Variants in MINK1 observed in about 807,000 individuals in gnomAD.
The protein encoded by MINK1 is misshapen like kinase 1.
A neutral mutation model predicts 178.4 loss-of-function variants in MINK1; 46 were observed. The ratio of observed to expected loss-of-function variants is 0.26; its 90% CI spans 0.20 to 0.33. The LOEUF is 0.33. Among genes scored for constraint, MINK1 ranks in the 10% least tolerant of loss-of-function variants. The probability of loss-of-function intolerance (pLI) is 1.00; values close to 1 mark genes in which losing one functional copy is unlikely to be tolerated. For synonymous variants in MINK1, 797 were observed against 709.7 expected, an observed-to-expected ratio of 1.12 and a Z score of -1.96; for missense variants, 1,366 against 1,814.9, an observed-to-expected ratio of 0.75 and a Z score of 4.49.
chr17:4,844,682 G>A (rs1328461192), intron 1 of MINK1: 8 of 394,834 alleles, frequency 2.0e-5, no homozygotes, highest in South Asian at 5.5e-5. Flanking sequence ...ATGTAGGGCC[G>A]CTGGGTAGAT....
At chr17:4,877,811 T>TC (rs1382619436) in intron 1 of MINK1, among the ~76,000 whole-genome samples, 21 of 136,958 alleles carry the variant, frequency 1.5e-4, no homozygotes, top group African/African-American at 5.0e-4. Context: ...TCTCACTTCT[T>TC]TTTTTTTTTT....
Position 4,886,973 on chromosome 17 carries a change from C to T in MINK1, c.950-137C>T. 1.2e-6 allele frequency: 1 copy of T among 800,670 alleles called. No individual in the cohort carries two copies. Among genetic ancestry groups the T allele is most frequent in the Non-Finnish European group, 2.0e-6 (1 of 495,836 alleles). The allele number at this position is 800,670 out of a possible 1,614,324, so 49.6% of individuals were successfully genotyped here. A position where few individuals can be genotyped will look rare whatever the true frequency, so the allele number is the denominator to read the frequency against. On this transcript the variant is annotated intron_variant, in intron 10 of 31. Transcript: ENST00000355280. This position sits in a 1 kb window ranked among gnomAD's most constrained non-coding sequence, Gnocchi z 6.1. ...CCACACCTGAGACCCGCTGTCCTCC[C>T]ATTGCCCCCAGGAAGTGGGTGGGGC...
chr17:4,864,058 G>C (rs1318982355), intron 1 of MINK1, among the ~76,000 whole-genome samples: 3 of 151,984 alleles, frequency 2.0e-5, no homozygotes, highest in Non-Finnish European at 4.4e-5. Context: ...CAAAGTGCTG[G>C]GATTATAGGA....
intron 1 of MINK1, among the ~76,000 whole-genome samples, chr17:4,863,205 T>C (rs1914449543): frequency 6.6e-6 from 1 of 152,190 alleles, no homozygotes; most frequent in African/African-American, 2.4e-5. Context: ...GGGGGATAGC[T>C]AGAGTCAGTT....
intron 1 of MINK1, chr17:4,870,997 G>T (rs1450430020): frequency 1.1e-5 from 3 of 265,232 alleles, no homozygotes; most frequent in African/African-American, 2.3e-5. Context: ...CCCAGCCCCT[G>T]GCAACCACTA....
chr17:4,843,388 G>T (rs1039698974), intron 1 of MINK1, among the ~76,000 whole-genome samples: 1 of 152,004 alleles, frequency 6.6e-6, no homozygotes, highest in African/African-American at 2.4e-5. Context: ...TGAGGCAGGA[G>T]AATCGCTTGA....
Position 4,885,398 on chromosome 17 carries a change from CA to C in MINK1, c.509-83del. ...GGGCCAGGACCACAGCTGGCTCAGG[CA>C]AGTCCTGTGTGTGCACGCAGGGATG... On this transcript the variant is annotated intron_variant, in intron 6 of 31. Coordinates refer to ENST00000355280, the MANE Select transcript of MINK1 (RefSeq NM_153827.5). The surrounding 1 kb of genome is among the most constrained non-coding windows in gnomAD (Gnocchi z 5.0). 1 of 1,555,632 alleles carries C rather than the reference CA, an allele frequency of 6.4e-7. No homozygotes were observed. Among genetic ancestry groups the C allele is most frequent in the Non-Finnish European group, 8.8e-7 (1 of 1,142,566 alleles).
In MINK1 at chr17:4,895,891, C is replaced by T; in HGVS notation, c.3364+59C>T. 6.3e-7 allele frequency: 1 copy of T among 1,590,970 alleles called. No homozygotes were observed. Among genetic ancestry groups the T allele is most frequent in the Non-Finnish European group, 8.6e-7 (1 of 1,167,104 alleles). On this transcript the variant is annotated intron_variant, in intron 27 of 31. Transcript: ENST00000355280. This position sits in a 1 kb window ranked among gnomAD's most constrained non-coding sequence, Gnocchi z 4.3. ...CTTGTTCATGAAGAGAGAAATGGAT[C>T]TGGGAGCCAGGGACTTGGGGCCTGG...
At chr17:4,860,381 C>T (rs543128303) in intron 1 of MINK1, among the ~76,000 whole-genome samples, 3 of 152,316 alleles carry the variant, frequency 2.0e-5, no homozygotes, top group East Asian at 1.9e-4. Context: ...AGCCTTGGCT[C>T]ACGCTTCCTA....
chr17:4,894,965 C>A lies in MINK1; in HGVS notation c.2918-110C>A. ...CACCTCCTCTCCTCCTGTCTTTCTC[C>A]TCCTTTCTGCGTATTATGAGGTGCC... On this transcript the variant is annotated intron_variant, in intron 24 of 31. Transcript: ENST00000355280. The surrounding 1 kb of genome is among the most constrained non-coding windows in gnomAD (Gnocchi z 4.1). The A allele has an allele frequency of 8.3e-7, 1 of 1,204,648 alleles. No homozygotes were observed. Among genetic ancestry groups the A allele is most frequent in the Non-Finnish European group, 1.2e-6 (1 of 859,514 alleles). 74.6% of individuals were successfully genotyped at this position (1,204,648 alleles called of 1,614,324 possible).
rs1051234943 is a variant in MINK1 at position 4,894,670 on chromosome 17, G to A, written c.2917+37G>A. ...AGGACAGACCTGCTGTGAGGCCAGG[G>A]TCCAGGGGCAGCCTGGAGGGGAGCA... is the stretch of plus-strand genomic sequence containing the variant. On this transcript the variant is annotated intron_variant, in intron 24 of 31. Transcript: ENST00000355280. This position sits in a 1 kb window ranked among gnomAD's most constrained non-coding sequence, Gnocchi z 4.1. The A allele has an allele frequency of 6.6e-7, 1 of 1,514,268 alleles. No homozygotes were observed. The highest frequency in any genetic ancestry group is 1.4e-5 in the African/African-American group (1 of 72,788). 93.8% of individuals were successfully genotyped at this position (1,514,268 alleles called of 1,614,324 possible).
At position 4,897,921 on chromosome 17, in the gene MINK1, C is replaced by G. The variant is rs1311602893; in HGVS notation, c.*634C>G. ...CGGTGGAGGGAGGGAGCAGGGAGCC[C>G]TCACTCTCCACGCCCCTTGCTTGCA... On this transcript the variant is annotated 3_prime_UTR_variant, in exon 32 of 32. Transcript: ENST00000355280. 1.3e-5 allele frequency: 2 copies of G among 152,234 alleles called. No homozygotes were observed. The highest frequency in any genetic ancestry group is 2.9e-5 in the Non-Finnish European group (2 of 68,178). 9.4% of individuals were successfully genotyped at this position (152,234 alleles called of 1,614,324 possible).
chr17:4,883,565 TCTGTCACCCAGG>T, intron 4 of MINK1, among the ~76,000 whole-genome samples: 1 of 151,922 alleles, frequency 6.6e-6, no homozygotes, highest in Middle Eastern at 3.4e-3. Flanking sequence ...AGAGTCTCAC[TCTGTCACCCAGG>T]CTGGAGTTCA....
chr17:4,882,354 G>C (rs1157222231), intron 4 of MINK1, among the ~76,000 whole-genome samples: 1 of 152,248 alleles, frequency 6.6e-6, no homozygotes, highest in Non-Finnish European at 1.5e-5. Context: ...AGGAAGACTG[G>C]TTGGAGCCAT....
Position 4,896,146 on chromosome 17 carries a change from G to GCCTCTCCCCGTGCCCCTGAGCCCT in MINK1, c.3466-39_3466-16dup. Reference sequence around the variant, plus strand: ...CCCTAACACCATCTGGAGTCCCAGCGCCTCTCCCCGTGCCCCTGAGCCCTC... The same window carrying GCCTCTCCCCGTGCCCCTGAGCCCT: ...CCCTAACACCATCTGGAGTCCCAGCGCCTCTCCCCGTGCCCCTGAGCCCTCCTCTCCCCGTGCCCCTGAGCCCTC... On this transcript the variant is annotated intron_variant, in intron 28 of 31. Coordinates refer to ENST00000355280, the MANE Select transcript of MINK1 (RefSeq NM_153827.5). This position sits in a 1 kb window ranked among gnomAD's most constrained non-coding sequence, Gnocchi z 4.6. 6.2e-7 allele frequency: 1 copy of GCCTCTCCCCGTGCCCCTGAGCCCT among 1,605,270 alleles called. No homozygotes were observed. Among genetic ancestry groups the GCCTCTCCCCGTGCCCCTGAGCCCT allele is most frequent in the South Asian group, 1.1e-5 (1 of 89,920 alleles).
At chr17:4,890,801 G>A (rs1216771477) in intron 14 of MINK1, 66 bp downstream of exon 14, 4 of 1,524,274 alleles carry the variant, frequency 2.6e-6, no homozygotes, top group African/African-American at 2.8e-5. Context: ...AGAGCCACAA[G>A]AAGTAGTAGT....
chr17:4,870,764 G>T (rs1003684146), intron 1 of MINK1, among the ~76,000 whole-genome samples: 1 of 152,156 alleles, frequency 6.6e-6, no homozygotes. Flanking sequence ...GGTGGAGGTT[G>T]CAGTGAGCTG....
chr17:4,879,447 C>A (rs1022768998), intron 2 of MINK1, among the ~76,000 whole-genome samples: 3 of 152,194 alleles, frequency 2.0e-5, no homozygotes, highest in Non-Finnish European at 2.9e-5. Flanking sequence ...CCTTCTCTTG[C>A]AAACTTTGGG....
chr17:4,859,640 T>A (rs1052717289), intron 1 of MINK1, among the ~76,000 whole-genome samples: 2 of 151,626 alleles, frequency 1.3e-5, no homozygotes, highest in Admixed American at 1.3e-4. Context: ...ATACAAAAAT[T>A]AGCTGGGTGT....
Sources: allele counts gnomAD v4.1 joint callset (sites outside exome capture counted in the v4.1 genomes callset), GRCh38; gene constraint gnomAD v4.1.1; non-coding constraint Gnocchi (gnomAD v3.1); transcripts MANE v1.5; gene names NCBI Gene and HGNC (gene_info 2026-07-23, HGNC 2026-07-21).